ADGRV1: variants seen among roughly 807,000 people sequenced by gnomAD.
The protein encoded by ADGRV1 is adhesion G protein-coupled receptor V1, also known as G-protein coupled receptor 98.
A neutral mutation model predicts 596.2 loss-of-function variants in ADGRV1; 359 were observed. The observed-to-expected ratio is 0.60, with a 90% confidence interval of 0.55 to 0.66. ADGRV1 has a LOEUF of 0.66. ADGRV1 is among the 30% of genes least tolerant of loss of function. The pLI, the probability that ADGRV1 is intolerant of heterozygous loss-of-function variation, is 0.00. For missense variants in ADGRV1, 7,274 were observed against 7,575.6 expected (o/e 0.96, Z 1.48); for synonymous variants, 2,681 against 2,679.2 (o/e 1.00, Z -0.02).
At chr5:90,952,724 C>G (rs1032370560) in intron 83 of ADGRV1, among the ~76,000 whole-genome samples, 2 of 152,154 alleles carry the variant, frequency 1.3e-5, no homozygotes, top group Non-Finnish European at 2.9e-5. Flanking sequence ...TTCAAATCTC[C>G]TCTAAAATTT....
chr5:90,774,041 T>C, intron 59 of ADGRV1, 145 bp from the exon 60 acceptor site: 1 of 406,846 alleles, frequency 2.5e-6, no homozygotes, highest in Non-Finnish European at 4.4e-6. Context: ...GGAGTAATTC[T>C]TTCTAGCTGC....
At chr5:91,162,736 G>T (rs1001172831) in intron 89 of ADGRV1, among the ~76,000 whole-genome samples, 3 of 152,172 alleles carry the variant, frequency 2.0e-5, no homozygotes, top group Non-Finnish European at 4.4e-5. Context: ...TTGGCTAGAA[G>T]GTCACTAGTA....
At chr5:90,770,955 A>G (rs1218759318) in intron 59 of ADGRV1, among the ~76,000 whole-genome samples, 3 of 152,088 alleles carry the variant, frequency 2.0e-5, no homozygotes, top group African/African-American at 4.8e-5. Context: ...TATCTTAAAC[A>G]TTTCTTTTTC....
At chr5:90,916,990 A>C (rs1208127069) in intron 83 of ADGRV1, among the ~76,000 whole-genome samples, 1 of 152,210 alleles carries the variant, frequency 6.6e-6, no homozygotes, top group African/African-American at 2.4e-5. Flanking sequence ...TATTCATATA[A>C]TATTGAATAT....
chr5:90,917,896 G>A (rs1332539519), intron 83 of ADGRV1, among the ~76,000 whole-genome samples: 3 of 151,732 alleles, frequency 2.0e-5, no homozygotes, highest in South Asian at 2.1e-4. Flanking sequence ...TTTTAAAGAA[G>A]CATTTGTAAA....
intron 50 of ADGRV1, among the ~76,000 whole-genome samples, chr5:90,738,221 C>G (rs972317314): frequency 1.8e-4 from 28 of 152,172 alleles, no homozygotes; most frequent in African/African-American, 6.5e-4. Context: ...GTTCTCTCCC[C>G]TAAAACTTTT....
intron 38 of ADGRV1, among the ~76,000 whole-genome samples, chr5:90,708,456 G>A (rs1015232857): frequency 6.6e-6 from 1 of 150,424 alleles, no homozygotes; most frequent in African/African-American, 2.4e-5. Context: ...TTTCCATGGT[G>A]TTCTATTCCT....
intron 83 of ADGRV1, among the ~76,000 whole-genome samples, chr5:90,886,117 C>T (rs1770257025): frequency 6.6e-6 from 1 of 152,164 alleles, no homozygotes; most frequent in Non-Finnish European, 1.5e-5. Context: ...CAAGAGCTTG[C>T]AGCAACCTAT....
At chr5:90,719,508 T>C (rs1223817244) in intron 43 of ADGRV1, among the ~76,000 whole-genome samples, 2 of 152,200 alleles carry the variant, frequency 1.3e-5, no homozygotes, top group African/African-American at 4.8e-5. Context: ...GTGTGTACTC[T>C]TTTGTGTCTG....
At chr5:90,701,541 T>C (rs6452904) in intron 34 of ADGRV1, among the ~76,000 whole-genome samples, 111,768 of 151,924 alleles carry the variant, frequency 0.74, 42,129 homozygotes, top group African/African-American at 0.9. Context: ...TTAAGAAATA[T>C]TTCATTTATC....
chr5:91,107,867 G>A (rs1353628993), intron 87 of ADGRV1, among the ~76,000 whole-genome samples: 1 of 152,152 alleles, frequency 6.6e-6, no homozygotes, highest in African/African-American at 2.4e-5. Flanking sequence ...AGCTCTTATG[G>A]AGGTTTGTAA....
chr5:90,729,899 C>A, intron 50 of ADGRV1, 135 bp downstream of exon 50: 2 of 819,118 alleles, frequency 2.4e-6, no homozygotes, highest in Admixed American at 2.7e-5. Context: ...TGGGGTCTAG[C>A]TGTGTTGCCC....
intron 72 of ADGRV1, among the ~76,000 whole-genome samples, 188 bp from the exon 73 acceptor site, chr5:90,807,414 C>T (rs923969847): frequency 4.6e-5 from 7 of 152,066 alleles, no homozygotes; most frequent in Admixed American, 1.3e-4. Context: ...AAACAGGGAC[C>T]GAAAGCAAGA....
chr5:90,830,508 C>T (rs1298149058), intron 77 of ADGRV1, among the ~76,000 whole-genome samples: 1 of 152,038 alleles, frequency 6.6e-6, no homozygotes, highest in Non-Finnish European at 1.5e-5. Context: ...ACATCTTAAG[C>T]GAGTTTATGT....
intron 21 of ADGRV1, among the ~76,000 whole-genome samples, chr5:90,662,513 C>G (rs115600377): frequency 0.031 from 4,668 of 151,972 alleles, 253 homozygotes; most frequent in African/African-American, 0.11. Flanking sequence ...CTTTTTAAAG[C>G]AAACCTCAGG....
intron 64 of ADGRV1, chr5:90,779,339 C>T (rs1405272884): frequency 1.8e-5 from 5 of 271,764 alleles, no homozygotes; most frequent in South Asian, 2.0e-4. Context: ...ATTGTGTGGA[C>T]TCACTCTGGG....
chr5:91,108,120 A>AAC (rs1230218554), intron 87 of ADGRV1, among the ~76,000 whole-genome samples: 1 of 152,178 alleles, frequency 6.6e-6, no homozygotes, highest in East Asian at 1.9e-4. Context: ...ATGCTTAGTG[A>AAC]ATCAGTCCTA....
At chr5:90,790,311 G>A (rs764061021) in intron 69 of ADGRV1, among the ~76,000 whole-genome samples, 1 of 152,296 alleles carries the variant, frequency 6.6e-6, no homozygotes, top group Middle Eastern at 3.4e-3. Flanking sequence ...TTGATTAACA[G>A]ATCAAGGTAA....
intron 83 of ADGRV1, among the ~76,000 whole-genome samples, chr5:90,900,329 CTTTT>C (rs76476613): frequency 7.8e-6 from 1 of 127,456 alleles, no homozygotes. Flanking sequence ...CATTGCCATT[CTTTT>C]TTTTTTTTTT....
Sources: gnomAD v4.1 joint callset for allele counts (sites outside exome capture counted in the v4.1 genomes callset) on GRCh38, gnomAD v4.1.1 for gene constraint, MANE v1.5 for transcripts, NCBI Gene and HGNC (gene_info 2026-07-23, HGNC 2026-07-21) for gene names.